Variants in RIF1 observed in about 807,000 individuals in gnomAD.
The protein encoded by RIF1 is replication timing regulatory factor 1.
Under a neutral mutation model 247.1 loss-of-function variants are expected in RIF1, and 45 were observed. The observed-to-expected ratio is 0.18, with a 90% CI of 0.14 to 0.23. The LOEUF is 0.23. RIF1 is among the 10% of genes least tolerant of loss of function. RIF1 has a pLI of 1.00. For synonymous variants in RIF1, 1,087 were observed against 978.8 expected (o/e 1.11, Z -2.06); for missense variants, 2,967 against 2,862.5 (o/e 1.04, Z -0.83).
chr2:151,461,823 G>A (rs1696222115), intron 27 of RIF1, among the ~76,000 whole-genome samples: 1 of 152,010 alleles, frequency 6.6e-6, no homozygotes, highest in Non-Finnish European at 1.5e-5. Flanking sequence ...ACGCATTTAG[G>A]TCATGATTTT....
chr2:151,441,894 A>G lies in RIF1; in HGVS notation c.1648-11A>G, dbSNP rs373618972. The G allele has an allele frequency of 5.5e-6, 7 of 1,271,692 alleles. No homozygotes were observed. Among genetic ancestry groups the G allele is most frequent in the East Asian group, 2.5e-5 (1 of 40,626 alleles). 78.8% of individuals were successfully genotyped at this position (1,271,692 alleles called of 1,614,324 possible). On this transcript the variant is annotated splice_polypyrimidine_tract_variant and intron_variant, in intron 15 of 35. Transcript: ENST00000444746. ...CGGCTAATTTACTGTAAAACCTTTT[A>G]TCTCTCATAGGTCCTCATGGAAATT... is the stretch of plus-strand genomic sequence containing the variant.
intron 9 of RIF1, chr2:151,494,019 G>A: frequency 1.1e-6 from 1 of 884,040 alleles, no homozygotes; most frequent in South Asian, 1.6e-5. Flanking sequence ...AATGGCTACA[G>A]TAAATGTAGT....
chr2:151,468,613 T>G, intron 32 of RIF1, 28 bp from the exon 33 acceptor site: 1 of 1,606,398 alleles, frequency 6.2e-7, no homozygotes, highest in Middle Eastern at 1.7e-4. Context: ...TTGACCTCTG[T>G]GTAACAGCTT....
chr2:151,499,346 G>A lies in RIF1; in HGVS notation c.*515G>A. 6.5e-7 allele frequency: 1 copy of A among 1,546,532 alleles called. No individual in the cohort carries two copies. The highest frequency in any genetic ancestry group is 8.7e-7 in the Non-Finnish European group (1 of 1,143,664). On this transcript the variant is annotated splice_region_variant and 3_prime_UTR_variant and NMD_transcript_variant, in exon 11 of 14. Transcript: ENST00000454583. ...GTTTGACTCTCTCCATCTCTGGAGT[G>A]ATGGGGATTGGAATCCCTTTTCCAA...
chr2:151,528,209 T>C, the RIF1 span, among the ~76,000 whole-genome samples: 2 of 152,162 alleles, frequency 1.3e-5, no homozygotes, highest in African/African-American at 4.8e-5. Flanking sequence ...CTGGCTGCAT[T>C]GGGCCAAATC....
chr2:151,506,052 T>G lies in RIF1; in HGVS notation c.*862-158T>G. ...TGTGGTGGTGGTACACAGGCACCTA[T>G]TTTAGCAATATAAGCTGTTTCTGGT... is the stretch of plus-strand genomic sequence containing the variant. On this transcript the variant is annotated intron_variant and NMD_transcript_variant, in intron 12 of 13. Coordinates refer to the RIF1 transcript ENST00000454583. The G allele has an allele frequency of 6.6e-6, 6 of 914,048 alleles. No individual in the cohort carries two copies. The South Asian group carries it at 8.0e-5, about 12-fold the overall frequency. The allele number at this position is 914,048 out of a possible 1,614,324, so 56.6% of individuals were successfully genotyped here.
At chr2:151,468,344 T>C in intron 31 of RIF1, 130 bp from the exon 32 acceptor site, 1 of 841,336 alleles carries the variant, frequency 1.2e-6, no homozygotes, top group Non-Finnish European at 1.9e-6. Context: ...AGTAATTGAT[T>C]AGGTAGTAGA....
At chr2:151,520,441 T>G in the RIF1 span, among the ~76,000 whole-genome samples, 1 of 150,524 alleles carries the variant, frequency 6.6e-6, no homozygotes, top group South Asian at 2.1e-4. Context: ...AAAATAAGTT[T>G]AGGTAGGCAG....
intron 13 of RIF1, among the ~76,000 whole-genome samples, chr2:151,438,164 C>T (rs1172342381): frequency 1.3e-5 from 2 of 152,072 alleles, no homozygotes; most frequent in Admixed American, 1.3e-4. Flanking sequence ...TCATTGTTAA[C>T]ATGTTATAGT....
intron 9 of RIF1, chr2:151,490,296 C>T: frequency 1.3e-6 from 2 of 1,506,864 alleles, no homozygotes; most frequent in South Asian, 2.5e-5. Flanking sequence ...TGTTTTTGTA[C>T]TCAAAGCATC....
rs1471013726 is a variant in RIF1 at position 151,460,063 on chromosome 2, G to T, written c.3019G>T (p.Asp1007Tyr). The change falls in exon 26 of 36, where the codon GAT becomes TAT. Residue 1007 changes from aspartate (D) to tyrosine (Y), a missense_variant. Physicochemically the swap from Asp to Tyr is radical, Grantham distance 160 (BLOSUM62 -3). Transcript: ENST00000444746. The stretch of plus-strand genomic sequence containing the variant: ...GGAGAGAAAATCAAATGGAAAAAGA[G>T]ATTCATTTTTGGCACAAACAAAGAA... ...GMERKSNGKR[D>Y]SFLAQTKNKK... 2 of 1,571,946 alleles carry T rather than the reference G, an allele frequency of 1.3e-6. No homozygotes were observed. Among genetic ancestry groups the T allele is most frequent in the East Asian group, 2.3e-5 (1 of 43,820 alleles).
downstream of RIF1, chr2:151,485,687 G>T: frequency 7.1e-7 from 1 of 1,413,226 alleles, no homozygotes; most frequent in Non-Finnish European, 9.6e-7. Flanking sequence ...TTAGGTAACA[G>T]TGGAGAGTCT....
chr2:151,429,351 G>T (rs1327176273), intron 9 of RIF1, among the ~76,000 whole-genome samples: 1 of 151,866 alleles, frequency 6.6e-6, no homozygotes, highest in Non-Finnish European at 1.5e-5. Flanking sequence ...CGGCTAATTT[G>T]TGCATTTTTA....
At chr2:151,526,943 A>G in the RIF1 span, 2 of 1,600,714 alleles carry the variant, frequency 1.2e-6, no homozygotes, top group Non-Finnish European at 1.7e-6. Flanking sequence ...AGTATTCCTG[A>G]GGGCGAGCAC....
At chr2:151,428,340 A>G (rs1297409815) in intron 8 of RIF1, among the ~76,000 whole-genome samples, 1 of 152,180 alleles carries the variant, frequency 6.6e-6, no homozygotes, top group African/African-American at 2.4e-5. Flanking sequence ...ATGAAATAAG[A>G]TGTTTCCTTA....
chr2:151,448,198 C>T (rs1421028268), intron 20 of RIF1, among the ~76,000 whole-genome samples: 1 of 151,758 alleles, frequency 6.6e-6, no homozygotes, highest in East Asian at 2.0e-4. Context: ...TGTGCACCAC[C>T]ATGCCTGGCT....
intron 7 of RIF1, 42 bp downstream of exon 7, chr2:151,420,421 G>A (rs542327045): frequency 3.7e-5 from 59 of 1,584,260 alleles, no homozygotes; most frequent in Admixed American, 5.1e-5. Context: ...ATACTGCATC[G>A]GAAGGTTCTG....
At chr2:151,512,717 T>A, downstream of RIF1, 1 of 1,575,956 alleles carries the variant, frequency 6.3e-7, no homozygotes, top group Non-Finnish European at 8.7e-7. Context: ...AGTGATGGCA[T>A]GACGAATGTC....
Position 151,451,636 on chromosome 2 carries a change from A to G in RIF1, c.2275A>G (p.Ile759Val), listed in dbSNP as rs1694337352. ...NLLFVDRIIY[I>V]ITVMVDCIDF... ...GTTGTTCGTGGATAGAATTATTTAT[A>G]TTATTACTGTAATGGTTGATTGCAT... The change falls in exon 21 of 36, where the codon ATT becomes GTT. Residue 759 changes from isoleucine to valine, a missense_variant. Around this residue, in one of 7 missense-constraint regions of RIF1, gnomAD observed 2,028 missense variants for 1,825.6 expected, o/e 1.11. Coordinates refer to ENST00000444746, the MANE Select transcript of RIF1 (RefSeq NM_018151.5). 1 of 1,469,830 alleles carries G rather than the reference A, an allele frequency of 6.8e-7. No individual in the cohort carries two copies. Among genetic ancestry groups the G allele is most frequent in the Non-Finnish European group, 9.5e-7 (1 of 1,050,012 alleles). The allele number at this position is 1,469,830 out of a possible 1,614,324, so 91.0% of individuals were successfully genotyped here. A position where few individuals can be genotyped will look rare whatever the true frequency, so the allele number is the denominator to read the frequency against.
Sources: allele counts gnomAD v4.1 joint callset (sites outside exome capture counted in the v4.1 genomes callset), GRCh38; gene constraint gnomAD v4.1.1; regional missense constraint gnomAD v4.1.1; transcripts MANE v1.5; gene names NCBI Gene and HGNC (gene_info 2026-07-23, HGNC 2026-07-21).